The following WFDC10B variants were observed in gnomAD, a reference collection of about 807,000 sequenced individuals.
WFDC10B encodes WAP four-disulfide core domain 10B.
WFDC10B carries 1 observed loss-of-function variant against 2.7 expected under a neutral mutation model. The observed-to-expected ratio is 0.38, with a 90% CI of 0.13 to 1.79. The LOEUF is 1.79. WFDC10B is among the 40% of genes most tolerant of loss of function. WFDC10B has a pLI of 0.33. For synonymous variants in WFDC10B, 26 were observed against 32.2 expected (o/e 0.81, Z 0.65); for missense variants, 71 against 87.8 (o/e 0.81, Z 0.76).
chr20:45,686,542 G>C (rs1005454192), intron 2 of WFDC10B, among the ~76,000 whole-genome samples: 2 of 149,370 alleles, frequency 1.3e-5, no homozygotes, highest in Middle Eastern at 6.9e-3. Flanking sequence ...ATTTTTTTGG[G>C]GGGGGGCGGT....
chr20:45,700,309 A>G (rs1167594250), intron 2 of WFDC10B, among the ~76,000 whole-genome samples: 1 of 152,206 alleles, frequency 6.6e-6, no homozygotes, highest in Non-Finnish European at 1.5e-5. Context: ...TAAATCAAGA[A>G]TTTATAGAGA....
At chr20:45,693,547 C>T (rs948165710) in intron 2 of WFDC10B, among the ~76,000 whole-genome samples, 1 of 152,154 alleles carries the variant, frequency 6.6e-6, no homozygotes, top group Non-Finnish European at 1.5e-5. Context: ...CGCCCCTCCC[C>T]CAGCCTTGCT....
chr20:45,684,978 C>G lies in WFDC10B; in HGVS notation c.92-18G>C. ...CTTGATTCCTGAAATGATGCAGGAG[C>G]AGGGTCAATGAAACCATGCACCTAT... On this transcript the variant is annotated intron_variant, in intron 3 of 3. Transcript: ENST00000330523. 1.9e-6 allele frequency: 3 copies of G among 1,613,302 alleles called. No homozygotes were observed. Among genetic ancestry groups the G allele is most frequent in the Non-Finnish European group, 2.5e-6 (3 of 1,179,620 alleles).
At chr20:45,689,032 G>T (rs1303923096) in intron 2 of WFDC10B, among the ~76,000 whole-genome samples, 1 of 150,092 alleles carries the variant, frequency 6.7e-6, no homozygotes, top group Non-Finnish European at 1.5e-5. Flanking sequence ...GTGTAAGGAA[G>T]GGATCCAGTT....
intron 2 of WFDC10B, among the ~76,000 whole-genome samples, chr20:45,703,784 C>T (rs2145644945): frequency 6.6e-6 from 1 of 152,240 alleles, no homozygotes; most frequent in East Asian, 1.9e-4. Context: ...GTGGGGCATC[C>T]TGGTGCTCTG....
At chr20:45,696,387 A>G (rs1983981140) in intron 2 of WFDC10B, among the ~76,000 whole-genome samples, 1 of 152,036 alleles carries the variant, frequency 6.6e-6, no homozygotes, top group Non-Finnish European at 1.5e-5. Flanking sequence ...AGCAGAAGGA[A>G]GGAAATAATA....
At chr20:45,692,026 G>A (rs900533357) in intron 2 of WFDC10B, among the ~76,000 whole-genome samples, 5 of 152,280 alleles carry the variant, frequency 3.3e-5, no homozygotes, top group Admixed American at 3.3e-4. Context: ...TTTTAGGGCA[G>A]GCCTGGTGGT....
At position 45,686,046 on chromosome 20, in the gene WFDC10B, T is replaced by G; in HGVS notation, c.-54A>C. On this transcript the variant is annotated 5_prime_UTR_variant, in exon 3 of 4. Transcript: ENST00000330523. Reference sequence around the variant, plus strand: ...CTGGCCAGGCAGTCACAGACTTCCCTGCAGAGCTGCCTGTGGAGAGGGAAG... The same window carrying G: ...CTGGCCAGGCAGTCACAGACTTCCCGGCAGAGCTGCCTGTGGAGAGGGAAG... 2.5e-6 allele frequency: 4 copies of G among 1,593,882 alleles called. No homozygotes were observed. Among genetic ancestry groups the G allele is most frequent in the Non-Finnish European group, 3.4e-6 (4 of 1,169,464 alleles).
At chr20:45,699,416 T>C (rs1347675604) in intron 2 of WFDC10B, among the ~76,000 whole-genome samples, 1 of 152,064 alleles carries the variant, frequency 6.6e-6, no homozygotes, top group Non-Finnish European at 1.5e-5. Context: ...ACAATTGTGA[T>C]ATATATATAT....
intron 2 of WFDC10B, chr20:45,701,918 A>G: frequency 3.6e-6 from 2 of 561,532 alleles, no homozygotes; most frequent in Non-Finnish European, 6.4e-6. Context: ...ATAAAGGAGG[A>G]TATGAAAACA....
rs1292049319 is a variant in WFDC10B at position 45,686,040 on chromosome 20, CT to C, written c.-49del. On this transcript the variant is annotated 5_prime_UTR_variant, in exon 3 of 4. It introduces an in-frame stop codon into an upstream open reading frame of the 5' UTR. Transcript: ENST00000330523. ...CTAAGTCTGGCCAGGCAGTCACAGACTTCCCTGCAGAGCTGCCTGTGGAGAG... is the reference window on the plus strand; with the variant it reads ...CTAAGTCTGGCCAGGCAGTCACAGACTCCCTGCAGAGCTGCCTGTGGAGAG... 6.2e-7 allele frequency: 1 copy of C among 1,601,938 alleles called. No individual in the cohort carries two copies. The highest frequency in any genetic ancestry group is 2.3e-5 in the East Asian group (1 of 44,298).
Position 45,684,733 on chromosome 20 carries a change from G to T in WFDC10B, c.*97C>A. The T allele has an allele frequency of 6.6e-7, 1 of 1,517,336 alleles. No homozygotes were observed. The highest frequency in any genetic ancestry group is 9.0e-7 in the Non-Finnish European group (1 of 1,116,136). 94.0% of individuals were successfully genotyped at this position (1,517,336 alleles called of 1,614,324 possible). On this transcript the variant is annotated 3_prime_UTR_variant, in exon 4 of 4. Transcript: ENST00000330523. ...GGGTGGCATTCCTGTTGATGTTCTT[G>T]TGCTGATGATTTGATGTCCTTGTGC...
At chr20:45,704,359 C>T in intron 2 of WFDC10B, 138 bp downstream of exon 2, 1 of 1,520,482 alleles carries the variant, frequency 6.6e-7, no homozygotes. Flanking sequence ...TGGCAGGTTT[C>T]CTGGCAGTTC....
At chr20:45,691,629 A>T (rs6130889) in intron 2 of WFDC10B, among the ~76,000 whole-genome samples, 1 of 151,242 alleles carries the variant, frequency 6.6e-6, no homozygotes, top group Non-Finnish European at 1.5e-5. Flanking sequence ...GTTGGTTTAA[A>T]GTCTGTTTTA....
intron 2 of WFDC10B, among the ~76,000 whole-genome samples, chr20:45,694,513 T>C (rs957948753): frequency 2.0e-5 from 3 of 152,110 alleles, no homozygotes; most frequent in Non-Finnish European, 2.9e-5. Context: ...CACCAAGCAA[T>C]AGAGCTTCAA....
At chr20:45,697,742 CT>C (rs1162470530) in intron 2 of WFDC10B, among the ~76,000 whole-genome samples, 685 of 113,396 alleles carry the variant, frequency 6.0e-3, no homozygotes, top group African/African-American at 0.017. Context: ...ATTTCTTTTT[CT>C]TTTTTTTTTT....
chr20:45,685,784 G>C (rs1468164830), intron 3 of WFDC10B, 118 bp downstream of exon 3: 1 of 1,476,078 alleles, frequency 6.8e-7, no homozygotes, highest in Admixed American at 2.1e-5. Flanking sequence ...GCACAGCATT[G>C]TGGTCAGAGC....
chr20:45,690,549 T>A (rs1366643938), intron 2 of WFDC10B, among the ~76,000 whole-genome samples: 1 of 151,844 alleles, frequency 6.6e-6, no homozygotes, highest in Non-Finnish European at 1.5e-5. Context: ...AGATTCAACT[T>A]CTTCCTGGTT....
chr20:45,699,523 C>T (rs895733215), intron 2 of WFDC10B, among the ~76,000 whole-genome samples: 4 of 152,108 alleles, frequency 2.6e-5, no homozygotes, highest in Admixed American at 1.3e-4. Flanking sequence ...CATTTCCTAC[C>T]CAATTGTTTT....
Sources: gnomAD v4.1 joint callset for allele counts (sites outside exome capture counted in the v4.1 genomes callset) on GRCh38, gnomAD v4.1.1 for gene constraint, MANE v1.5 for transcripts, NCBI Gene and HGNC (gene_info 2026-07-23, HGNC 2026-07-21) for gene names.